MAP4: variants seen among roughly 807,000 people sequenced by gnomAD.
MAP4 encodes the protein microtubule associated protein 4.
Under a neutral mutation model 170.2 loss-of-function variants are expected in MAP4, and 76 were observed. The ratio of observed to expected loss-of-function variants is 0.45; its 90% confidence interval spans 0.37 to 0.54. MAP4 has a LOEUF of 0.54. MAP4 is among the 20% of genes least tolerant of loss of function. MAP4 has a pLI of 0.00. For missense variants in MAP4, 2,506 were observed against 2,748.0 expected, an observed-to-expected ratio of 0.91 and a Z score of 1.97; for synonymous variants, 909 against 994.5, an observed-to-expected ratio of 0.91 and a Z score of 1.62.
Position 47,852,861 on chromosome 3 carries a change from G to A in MAP4, c.*73C>T, listed in dbSNP as rs2045543012. 6.4e-7 allele frequency: 1 copy of A among 1,567,464 alleles called. No homozygotes were observed. The highest frequency in any genetic ancestry group is 1.2e-5 in the South Asian group (1 of 86,434). ...AGTTGGGGCCGCCAGGGAAGTGTGGGGGGCGGGAGACAATGTCGGCCCCGT... is the reference window on the plus strand; with the variant it reads ...AGTTGGGGCCGCCAGGGAAGTGTGGAGGGCGGGAGACAATGTCGGCCCCGT... On this transcript the variant is annotated 3_prime_UTR_variant, in exon 21 of 21. Coordinates refer to ENST00000683076, the MANE Select transcript of MAP4 (RefSeq NM_001385682.1).
chr3:48,031,532 C>T (rs1176929998), intron 1 of MAP4, among the ~76,000 whole-genome samples: 2 of 151,856 alleles, frequency 1.3e-5, no homozygotes, highest in African/African-American at 4.8e-5. Flanking sequence ...GCCTGGGCGA[C>T]AGAGCAAGAC....
chr3:48,060,884 GC>G (rs1363589985), intron 1 of MAP4, among the ~76,000 whole-genome samples: 1 of 151,868 alleles, frequency 6.6e-6, no homozygotes, highest in Non-Finnish European at 1.5e-5. Flanking sequence ...TCTCACTGTC[GC>G]CCAGGCTGGA....
At chr3:48,062,088 T>C (rs1173792717) in intron 1 of MAP4, among the ~76,000 whole-genome samples, 1 of 152,062 alleles carries the variant, frequency 6.6e-6, no homozygotes, top group Non-Finnish European at 1.5e-5. Flanking sequence ...GATGGAGAAA[T>C]CAGATTGTTG....
At chr3:47,988,807 G>A (rs1229697719) in intron 2 of MAP4, among the ~76,000 whole-genome samples, 1 of 151,522 alleles carries the variant, frequency 6.6e-6, no homozygotes, top group African/African-American at 2.4e-5. Flanking sequence ...GAAAGAACAG[G>A]GGTTTATTTT....
intron 2 of MAP4, among the ~76,000 whole-genome samples, chr3:47,997,631 A>G (rs964787668): frequency 6.6e-6 from 1 of 151,946 alleles, no homozygotes; most frequent in African/African-American, 2.4e-5. Context: ...TAAAAACAGA[A>G]AGACAATAGA....
intron 1 of MAP4, among the ~76,000 whole-genome samples, chr3:48,055,170 TAA>T (rs2100130133): frequency 6.7e-6 from 1 of 149,860 alleles, no homozygotes; most frequent in Non-Finnish European, 1.5e-5. Flanking sequence ...GCAGTTTCTT[TAA>T]AAAGTCTCCC....
rs1305771989 is a variant in MAP4 at position 47,892,138 on chromosome 3, C to T, written c.5434+10812G>A. 5 of 1,536,044 alleles carry T rather than the reference C, an allele frequency of 3.3e-6. No individual in the cohort carries two copies. The South Asian group carries it at 5.9e-5, about 18-fold the overall frequency. ...AGGTCTTCTGGTGTACCGAGTTCCC[C>T]TCCAAGGGATGGCAGGTCTCTGAAA... is the stretch of plus-strand genomic sequence containing the variant. On this transcript the variant is annotated intron_variant, in intron 10 of 20. Transcript: ENST00000683076.
At chr3:47,961,944 G>T (rs1240094578) in intron 3 of MAP4, among the ~76,000 whole-genome samples, 1 of 152,160 alleles carries the variant, frequency 6.6e-6, no homozygotes, top group South Asian at 2.1e-4. Flanking sequence ...CCTGCTGATT[G>T]GAACAAGATC....
rs149157615 is a variant in MAP4 at position 48,034,423 on chromosome 3, C to T, written c.-19-35544G>A. The stretch of plus-strand genomic sequence containing the variant: ...ACCATTTAAAAAAATCACTTAGGGG[C>T]CCAGCACAGTGGCTCATACCTGTAA... On this transcript the variant is annotated intron_variant, in intron 1 of 18. Transcript: ENST00000360240. Among the ~76,000 whole-genome samples, 27 of 152,252 alleles carry T rather than the reference C, an allele frequency of 1.8e-4. No individual in the cohort carries two copies. In the East Asian group the frequency reaches 3.3e-3, roughly 19 times the overall value.
chr3:48,029,468 T>A (rs1314708506), intron 1 of MAP4, among the ~76,000 whole-genome samples: 2 of 152,136 alleles, frequency 1.3e-5, no homozygotes, highest in African/African-American at 4.8e-5. Context: ...CATATTTTTT[T>A]AAGTCTTACT....
chr3:47,957,778 A>C (rs945074219), intron 3 of MAP4, among the ~76,000 whole-genome samples: 2 of 152,174 alleles, frequency 1.3e-5, no homozygotes, highest in African/African-American at 4.8e-5. Flanking sequence ...AGTTTCAGGG[A>C]GACAACACCC....
At chr3:47,926,579 C>T (rs1397244742) in intron 4 of MAP4, among the ~76,000 whole-genome samples, 4 of 152,202 alleles carry the variant, frequency 2.6e-5, no homozygotes, top group South Asian at 2.1e-4. Flanking sequence ...GTATTGCCCA[C>T]GCTAGAGTAC....
In MAP4 at chr3:47,944,203, AG is replaced by A. The variant is rs768516461; in HGVS notation, c.293-15854del. Among the ~76,000 whole-genome samples the A allele has an allele frequency of 2.1e-3, 320 of 152,020 alleles. 3 individuals are homozygous for A. The highest frequency in any genetic ancestry group is 1.6e-3 in the Non-Finnish European group (111 of 67,898). On this transcript the variant is annotated intron_variant, in intron 3 of 20. Transcript: ENST00000683076. ...CACACGCCTGTAATCCCAGCTAATC[AG>A]GAGGCTGAGGCAGAAGAATGGCTTG... is the stretch of plus-strand genomic sequence containing the variant.
chr3:47,940,294 A>C (rs916566521), intron 3 of MAP4, among the ~76,000 whole-genome samples: 1 of 152,176 alleles, frequency 6.6e-6, no homozygotes, highest in African/African-American at 2.4e-5. Flanking sequence ...TCACTCCCAC[A>C]TCTTTATTCA....
At chr3:48,046,981 C>G (rs2100124917) in intron 1 of MAP4, among the ~76,000 whole-genome samples, 2 of 151,932 alleles carry the variant, frequency 1.3e-5, no homozygotes, top group Admixed American at 6.6e-5. Context: ...GTAGTCCCAG[C>G]TACTCGGGAG....
intron 1 of MAP4, among the ~76,000 whole-genome samples, chr3:48,006,658 CA>C (rs1251327601): frequency 5.9e-5 from 9 of 152,140 alleles, no homozygotes; most frequent in Admixed American, 5.9e-4. Flanking sequence ...AAATCAAAAA[CA>C]ATATCACATC....
rs534503465 is a variant in MAP4 at position 48,087,781 on chromosome 3, C to T, written c.-20+992G>A. Among the ~76,000 whole-genome samples, 3 of 139,976 alleles carry T rather than the reference C, an allele frequency of 2.1e-5. No individual in the cohort carries two copies. The South Asian group carries it at 6.7e-4, about 31-fold the overall frequency. The allele number at this position is 139,976 out of a possible 152,430, so 91.8% of individuals were successfully genotyped here. On this transcript the variant is annotated intron_variant, in intron 1 of 18. Coordinates refer to the MAP4 transcript ENST00000360240. ...CACACACACACACACACACACACTGCAAGAAACACTGCAATGCTATGCAAC... is the reference window on the plus strand; with the variant it reads ...CACACACACACACACACACACACTGTAAGAAACACTGCAATGCTATGCAAC...
chr3:47,878,201 A>G (rs895730462), intron 10 of MAP4, among the ~76,000 whole-genome samples: 7 of 152,242 alleles, frequency 4.6e-5, no homozygotes, highest in African/African-American at 1.7e-4. Context: ...GGGGGAAGGC[A>G]TTTCTAACTG....
At chr3:47,933,662 G>A (rs560639901) in intron 3 of MAP4, among the ~76,000 whole-genome samples, 44 of 149,816 alleles carry the variant, frequency 2.9e-4, no homozygotes, top group Non-Finnish European at 4.9e-4. Context: ...GTGCAGTGGC[G>A]CGATCTGGGC....
Sources: gnomAD v4.1 joint callset for allele counts (sites outside exome capture counted in the v4.1 genomes callset) on GRCh38, gnomAD v4.1.1 for gene constraint, MANE v1.5 for transcripts, NCBI Gene and HGNC (gene_info 2026-07-23, HGNC 2026-07-21) for gene names.